ERAP1: variants seen among roughly 807,000 people sequenced by gnomAD.
The protein encoded by ERAP1 is adipocyte-derived leucine aminopeptidase.
In ERAP1, 86 loss-of-function variants were observed where a neutral mutation model predicts 103.7. The observed-to-expected ratio is 0.83, with a 90% confidence interval of 0.70 to 0.99. The LOEUF is 0.99. Among genes scored for constraint, ERAP1 ranks in the 50% least tolerant of loss-of-function variants. The pLI is 0.00. For synonymous variants in ERAP1, 398 were observed against 402.4 expected (o/e 0.99, Z 0.13); for missense variants, 1,009 against 1,128.4 (o/e 0.89, Z 1.52).
the ERAP1 span, chr5:96,910,285 TC>T: frequency 6.6e-6 from 1 of 152,000 alleles, no homozygotes; most frequent in Admixed American, 6.6e-5. Flanking sequence ...AAAAAACTTT[TC>T]CTGTGCCAAA....
At chr5:96,903,660 T>C in the ERAP1 span, 139 of 1,137,528 alleles carry the variant, frequency 1.2e-4, 2 homozygotes, top group South Asian at 2.2e-3. Context: ...ATTGATTTAA[T>C]ATGGATTTGA....
In ERAP1 at chr5:96,797,160, C is replaced by T. The variant is rs777423292; in HGVS notation, c.798+15G>A. On this transcript the variant is annotated intron_variant, in intron 4 of 18. Coordinates refer to ENST00000443439, the MANE Select transcript of ERAP1 (RefSeq NM_001040458.3). The stretch of plus-strand genomic sequence containing the variant: ...AGAACAAGCTGGTCACCATATGTGA[C>T]AGTCATAGGCTCACCTTGACTCCAC... The T allele has an allele frequency of 2.5e-6, 4 of 1,613,972 alleles. No individual in the cohort carries two copies. Among genetic ancestry groups the T allele is most frequent in the Non-Finnish European group, 3.4e-6 (4 of 1,179,976 alleles).
chr5:96,886,182 C>T, the ERAP1 span, among the ~76,000 whole-genome samples: 2 of 152,294 alleles, frequency 1.3e-5, no homozygotes, highest in Admixed American at 1.3e-4. Flanking sequence ...ACCTCACACC[C>T]ACATAACAGG....
the ERAP1 span, chr5:96,901,519 G>A: frequency 8.7e-6 from 14 of 1,613,024 alleles, no homozygotes; most frequent in Non-Finnish European, 1.1e-5. Flanking sequence ...GCCTTTCTGG[G>A]GGAAAATGCA....
At chr5:96,827,550 A>G in the ERAP1 span, among the ~76,000 whole-genome samples, 9 of 152,186 alleles carry the variant, frequency 5.9e-5, no homozygotes, top group African/African-American at 2.2e-4. Context: ...CTGTAGTCCC[A>G]GCTACTTGGG....
chr5:96,829,747 T>C, the ERAP1 span, among the ~76,000 whole-genome samples: 1 of 152,172 alleles, frequency 6.6e-6, no homozygotes, highest in Non-Finnish European at 1.5e-5. Context: ...ATTTTTTGAG[T>C]ATATAATTTA....
At chr5:96,838,516 A>T in the ERAP1 span, among the ~76,000 whole-genome samples, 1 of 152,222 alleles carries the variant, frequency 6.6e-6, no homozygotes, top group Non-Finnish European at 1.5e-5. Context: ...GTGATATAAT[A>T]GTTCTTGTAT....
rs779200129 is a variant in ERAP1 at position 96,793,475 on chromosome 5, A to G, written c.1113T>C (p.Asp371=). The part of the protein sequence containing the change: ...GNLVTMEWWN[D]LWLNEGFAKF... ...TGGCAAATCCTTCATTTAGCCAAAG[A>G]TCATTCCACCATTCCATAGTGACCA... Residue 371 remains aspartate (D), a synonymous_variant, in exon 7 of 19, where the codon GAT becomes GAC. Transcript: ENST00000443439. The G allele has an allele frequency of 6.2e-7, 1 of 1,613,920 alleles. No homozygotes were observed. Among genetic ancestry groups the G allele is most frequent in the Admixed American group, 1.7e-5 (1 of 60,012 alleles).
chr5:96,916,580 C>T, the ERAP1 span, among the ~76,000 whole-genome samples: 1 of 150,904 alleles, frequency 6.6e-6, no homozygotes, highest in East Asian at 2.0e-4. Flanking sequence ...TCTCCTGCCT[C>T]AGCCTCCCGA....
At chr5:96,912,215 G>GA in the ERAP1 span, among the ~76,000 whole-genome samples, 1 of 138,542 alleles carries the variant, frequency 7.2e-6, no homozygotes, top group Admixed American at 7.2e-5. Context: ...GAAAAGAAAA[G>GA]AAAAAAATGC....
rs1774361403 is a variant in ERAP1 at position 96,776,674 on chromosome 5, C to T, written c.2671-123G>A. Reference sequence around the variant, plus strand: ...AATTCTATATAGAAGGCAGTCCCAGCTGTCTGAATAGGATTATGTACACAT... The same window carrying T: ...AATTCTATATAGAAGGCAGTCCCAGTTGTCTGAATAGGATTATGTACACAT... On this transcript the variant is annotated intron_variant, in intron 18 of 18. Coordinates refer to ENST00000443439, the MANE Select transcript of ERAP1 (RefSeq NM_001040458.3). 14 of 1,381,392 alleles carry T rather than the reference C, an allele frequency of 1.0e-5. No individual in the cohort carries two copies. The Admixed American group carries it at 2.5e-4, about 25-fold the overall frequency. 85.6% of individuals were successfully genotyped at this position (1,381,392 alleles called of 1,614,324 possible). A position where few individuals can be genotyped will look rare whatever the true frequency, so the allele number is the denominator to read the frequency against.
chr5:96,778,005 T>C (rs779786395), intron 18 of ERAP1, among the ~76,000 whole-genome samples: 3 of 152,220 alleles, frequency 2.0e-5, no homozygotes, highest in Non-Finnish European at 2.9e-5. Context: ...TTAACTTCTA[T>C]GGAAGCCAGT....
the ERAP1 span, among the ~76,000 whole-genome samples, chr5:96,840,664 A>T: frequency 4.6e-5 from 7 of 152,048 alleles, no homozygotes; most frequent in African/African-American, 1.7e-4. Flanking sequence ...GTTAAAGCAG[A>T]TCTCTGTCTG....
chr5:96,762,569 A>G (rs1382287270), exon 20 of ERAP1: 7 of 486,088 alleles, frequency 1.4e-5, no homozygotes, highest in Non-Finnish European at 2.6e-5. Flanking sequence ...ATGAAACTAT[A>G]TATGTGAAAA....
At chr5:96,876,969 T>G in the ERAP1 span, among the ~76,000 whole-genome samples, 28 of 152,174 alleles carry the variant, frequency 1.8e-4, no homozygotes, top group African/African-American at 6.5e-4. Context: ...ATTTAATTTA[T>G]GTATTTATTT....
chr5:96,917,695 A>G, the ERAP1 span: 1 of 1,026,850 alleles, frequency 9.7e-7, no homozygotes, highest in Non-Finnish European at 1.4e-6. Flanking sequence ...TCACGAGGTC[A>G]GGAGATGGAG....
chr5:96,841,122 A>C, the ERAP1 span, among the ~76,000 whole-genome samples: 3 of 152,228 alleles, frequency 2.0e-5, no homozygotes, highest in Non-Finnish European at 2.9e-5. Flanking sequence ...CATTCCCACC[A>C]GGGGCATATG....
intron 19 of ERAP1, chr5:96,765,979 G>T: frequency 1.2e-6 from 1 of 846,292 alleles, no homozygotes; most frequent in Non-Finnish European, 2.0e-6. Context: ...AATGCTGAAT[G>T]CTGCATTTGA....
At chr5:96,798,970 C>T (rs1273909135) in intron 3 of ERAP1, among the ~76,000 whole-genome samples, 6 of 148,952 alleles carry the variant, frequency 4.0e-5, no homozygotes, top group East Asian at 3.9e-4. Context: ...AGAGTTCAAG[C>T]GACTCTCCTG....
Sources: allele counts gnomAD v4.1 joint callset (sites outside exome capture counted in the v4.1 genomes callset), GRCh38; gene constraint gnomAD v4.1.1; transcripts MANE v1.5; gene names NCBI Gene and HGNC (gene_info 2026-07-23, HGNC 2026-07-21).